PDZRN4: variants seen among roughly 807,000 people sequenced by gnomAD.
The protein encoded by PDZRN4 is PDZ domain-containing RING finger protein 4.
PDZRN4 carries 70 observed loss-of-function variants against 99.0 expected under a neutral mutation model. That is an observed-to-expected ratio of 0.71 (90% CI 0.58 to 0.86). PDZRN4 has a LOEUF of 0.86. Ranked by LOEUF, PDZRN4 falls within the 40% of genes least tolerant of loss-of-function variation. The probability of loss-of-function intolerance (pLI) is 0.00; values close to 1 mark genes in which losing one functional copy is unlikely to be tolerated. For synonymous variants in PDZRN4, 551 were observed against 501.6 expected, an observed-to-expected ratio of 1.10 and a Z score of -1.32; for missense variants, 1,474 against 1,331.2, an observed-to-expected ratio of 1.11 and a Z score of -1.67.
intron 3 of PDZRN4, among the ~76,000 whole-genome samples, chr12:41,286,447 A>AT (rs1271080891): frequency 6.9e-6 from 1 of 145,930 alleles, no homozygotes; most frequent in Admixed American, 7.1e-5. Flanking sequence ...TAGAGACTCT[A>AT]TTTTTTAAAA....
intron 3 of PDZRN4, among the ~76,000 whole-genome samples, chr12:41,484,267 A>G (rs1937732318): frequency 6.6e-6 from 1 of 152,214 alleles, no homozygotes; most frequent in African/African-American, 2.4e-5. Context: ...AATCTATGTG[A>G]ATTTTTGAAC....
chr12:41,240,160 A>C (rs746925702), intron 3 of PDZRN4, among the ~76,000 whole-genome samples: 5 of 152,158 alleles, frequency 3.3e-5, no homozygotes, highest in Non-Finnish European at 7.3e-5. Flanking sequence ...TTATAATTGA[A>C]TTTACATTAA....
At chr12:41,195,888 C>T (rs1190900492) in intron 3 of PDZRN4, among the ~76,000 whole-genome samples, 2 of 152,012 alleles carry the variant, frequency 1.3e-5, no homozygotes, top group Admixed American at 1.3e-4. Flanking sequence ...AAATAAATTC[C>T]TACATTTGAT....
chr12:41,359,994 C>T (rs1343476680), intron 3 of PDZRN4, among the ~76,000 whole-genome samples: 1 of 151,968 alleles, frequency 6.6e-6, no homozygotes, highest in Non-Finnish European at 1.5e-5. Context: ...TATGCCTGCA[C>T]ACTCTTCCTT....
chr12:41,297,745 T>C (rs963221566), intron 3 of PDZRN4, among the ~76,000 whole-genome samples: 3 of 152,182 alleles, frequency 2.0e-5, no homozygotes, highest in Non-Finnish European at 4.4e-5. Context: ...TCTCTATAAC[T>C]TGTGCCCTAA....
chr12:41,475,858 C>A (rs530199016), intron 3 of PDZRN4, among the ~76,000 whole-genome samples: 1 of 152,278 alleles, frequency 6.6e-6, no homozygotes, highest in South Asian at 2.1e-4. Flanking sequence ...CCTTTGTTTT[C>A]TTCTTTTGAC....
At chr12:41,514,587 T>C (rs1938367184) in intron 5 of PDZRN4, among the ~76,000 whole-genome samples, 1 of 152,096 alleles carries the variant, frequency 6.6e-6, no homozygotes, top group South Asian at 2.1e-4. Context: ...TTATCTGCCT[T>C]GCTTATCATT....
At chr12:41,484,731 C>A (rs1389682450) in intron 3 of PDZRN4, among the ~76,000 whole-genome samples, 1 of 152,154 alleles carries the variant, frequency 6.6e-6, no homozygotes, top group Non-Finnish European at 1.5e-5. Flanking sequence ...AACAGTGTAT[C>A]TTTGGGCTAT....
chr12:41,213,712 GT>G (rs980887522), intron 3 of PDZRN4, among the ~76,000 whole-genome samples: 4 of 152,064 alleles, frequency 2.6e-5, no homozygotes, highest in Admixed American at 1.3e-4. Flanking sequence ...AAGGGACTCA[GT>G]TTTTTCAGCA....
chr12:41,537,025 CTT>C (rs1324647409), intron 5 of PDZRN4, among the ~76,000 whole-genome samples: 17 of 152,166 alleles, frequency 1.1e-4, no homozygotes, highest in Non-Finnish European at 5.9e-5. Flanking sequence ...CAAAAAGACT[CTT>C]AAGCCGTCTT....
intron 5 of PDZRN4, among the ~76,000 whole-genome samples, chr12:41,519,275 T>A (rs1938452928): frequency 6.6e-6 from 1 of 152,070 alleles, no homozygotes; most frequent in Non-Finnish European, 1.5e-5. Flanking sequence ...TTCTAAGAGT[T>A]ACTGTGTTCT....
At chr12:41,274,742 G>T (rs1453752428) in intron 3 of PDZRN4, among the ~76,000 whole-genome samples, 1 of 152,098 alleles carries the variant, frequency 6.6e-6, no homozygotes, top group Non-Finnish European at 1.5e-5. Flanking sequence ...ATCATAGCTA[G>T]CATTCCCTGG....
intron 3 of PDZRN4, among the ~76,000 whole-genome samples, chr12:41,387,567 G>T (rs1952180607): frequency 6.6e-6 from 1 of 152,138 alleles, no homozygotes; most frequent in Admixed American, 6.5e-5. Context: ...ACTCCAGCCT[G>T]GGTGACAGAG....
At chr12:41,450,210 T>G (rs1952763447) in intron 3 of PDZRN4, among the ~76,000 whole-genome samples, 1 of 152,160 alleles carries the variant, frequency 6.6e-6, no homozygotes, top group Non-Finnish European at 1.5e-5. Context: ...TTCTTTTACT[T>G]GTATTATTTG....
chr12:41,404,878 G>A (rs1952333328), intron 3 of PDZRN4, among the ~76,000 whole-genome samples: 1 of 151,920 alleles, frequency 6.6e-6, no homozygotes, highest in South Asian at 2.1e-4. Context: ...AATGGGGAAA[G>A]GACTCCCTAT....
chr12:41,467,409 A>T (rs1417853597), intron 3 of PDZRN4, among the ~76,000 whole-genome samples: 2 of 152,228 alleles, frequency 1.3e-5, no homozygotes, highest in Admixed American at 6.5e-5. Context: ...TTAAGAAATG[A>T]TTCACAATTG....
At chr12:41,318,206 T>G (rs1004630607) in intron 3 of PDZRN4, among the ~76,000 whole-genome samples, 1 of 152,164 alleles carries the variant, frequency 6.6e-6, no homozygotes, top group African/African-American at 2.4e-5. Context: ...CAGAAGATAA[T>G]CAAAATGACC....
intron 3 of PDZRN4, among the ~76,000 whole-genome samples, chr12:41,258,619 T>G (rs1443161946): frequency 2.6e-5 from 4 of 152,174 alleles, no homozygotes; most frequent in African/African-American, 9.7e-5. Context: ...ACCAAAAACG[T>G]GAAACTACAT....
At chr12:41,258,793 G>A (rs73120934) in intron 3 of PDZRN4, among the ~76,000 whole-genome samples, 5,841 of 152,062 alleles carry the variant, frequency 0.038, 388 homozygotes, top group African/African-American at 0.13. Context: ...TAAGAGATAT[G>A]TCAGGTGGTA....
Sources: gnomAD v4.1 joint callset for allele counts (sites outside exome capture counted in the v4.1 genomes callset) on GRCh38, gnomAD v4.1.1 for gene constraint, MANE v1.5 for transcripts, NCBI Gene and HGNC (gene_info 2026-07-23, HGNC 2026-07-21) for gene names.